The following HEMK2 variants were observed in gnomAD, a reference collection of about 807,000 sequenced individuals.
HEMK2 encodes the protein methyltransferase HEMK2.
At chr21:28,788,943 T>C in the HEMK2 span, among the ~76,000 whole-genome samples, 1 of 152,028 alleles carries the variant, frequency 6.6e-6, no homozygotes, top group African/African-American at 2.4e-5. Context: ...ATTGGAGTGA[T>C]GCATCTACAA....
chr21:28,606,780 T>C, the HEMK2 span, among the ~76,000 whole-genome samples: 1 of 152,232 alleles, frequency 6.6e-6, no homozygotes, highest in Non-Finnish European at 1.5e-5. Context: ...TACAGTTTAA[T>C]GGCAAAGGCA....
At chr21:28,847,927 T>C in the HEMK2 span, among the ~76,000 whole-genome samples, 1 of 152,190 alleles carries the variant, frequency 6.6e-6, no homozygotes, top group East Asian at 1.9e-4. Flanking sequence ...GACCAGATAG[T>C]CGTAGATGCG....
chr21:28,733,985 G>A, the HEMK2 span, among the ~76,000 whole-genome samples: 13 of 62,330 alleles, frequency 2.1e-4, no homozygotes, highest in African/African-American at 9.7e-4. Flanking sequence ...TTCATTTAGG[G>A]ATGGAGAAAA....
the HEMK2 span, among the ~76,000 whole-genome samples, chr21:28,644,194 A>T: frequency 6.6e-6 from 1 of 152,206 alleles, no homozygotes; most frequent in Non-Finnish European, 1.5e-5. Flanking sequence ...GTGGAAGGCG[A>T]AGGGGAAGCA....
the HEMK2 span, among the ~76,000 whole-genome samples, chr21:28,618,636 C>T: frequency 1.3e-5 from 2 of 152,118 alleles, no homozygotes; most frequent in Non-Finnish European, 2.9e-5. Context: ...AAATTGATAT[C>T]GTTGAAAAAC....
the HEMK2 span, among the ~76,000 whole-genome samples, chr21:28,837,839 A>G: frequency 1.3e-5 from 2 of 152,178 alleles, no homozygotes; most frequent in Non-Finnish European, 2.9e-5. Context: ...TAACCTCACT[A>G]AGAAATAAAA....
chr21:28,596,168 C>G, the HEMK2 span, among the ~76,000 whole-genome samples: 3 of 152,168 alleles, frequency 2.0e-5, no homozygotes, highest in African/African-American at 7.2e-5. Context: ...AGGCGCCCGC[C>G]ACCACACCTG....
chr21:28,609,765 A>G, the HEMK2 span, among the ~76,000 whole-genome samples: 2 of 152,164 alleles, frequency 1.3e-5, no homozygotes, highest in Non-Finnish European at 2.9e-5. Flanking sequence ...GAAATGTAAA[A>G]TGCACTGGAA....
the HEMK2 span, among the ~76,000 whole-genome samples, chr21:28,628,494 C>T: frequency 2.0e-5 from 3 of 152,166 alleles, no homozygotes; most frequent in Admixed American, 6.5e-5. Flanking sequence ...TCTTGTTGCC[C>T]AGGCTGGAGT....
At chr21:28,831,680 A>AG in the HEMK2 span, among the ~76,000 whole-genome samples, 1 of 67,422 alleles carries the variant, frequency 1.5e-5, no homozygotes, top group Non-Finnish European at 2.8e-5. Context: ...AGAAAGAAAG[A>AG]AAGAAGGAAG....
the HEMK2 span, among the ~76,000 whole-genome samples, chr21:28,608,620 G>A: frequency 6.6e-6 from 1 of 152,160 alleles, no homozygotes; most frequent in African/African-American, 2.4e-5. Context: ...ACTGTGAGTT[G>A]GCTTGCTTTC....
chr21:28,651,128 G>C, the HEMK2 span, among the ~76,000 whole-genome samples: 1 of 152,182 alleles, frequency 6.6e-6, no homozygotes, highest in Non-Finnish European at 1.5e-5. Context: ...CTGGAAATAA[G>C]TATAAATTGT....
chr21:28,854,251 T>C, the HEMK2 span, among the ~76,000 whole-genome samples: 1 of 152,188 alleles, frequency 6.6e-6, no homozygotes, highest in East Asian at 1.9e-4. Flanking sequence ...GAATGTCAAA[T>C]GCATTTATTT....
At chr21:28,738,666 G>A in the HEMK2 span, among the ~76,000 whole-genome samples, 1 of 152,182 alleles carries the variant, frequency 6.6e-6, no homozygotes, top group Non-Finnish European at 1.5e-5. Context: ...CTTTATGCAG[G>A]TCACTGCCCC....
At chr21:28,734,449 T>C in the HEMK2 span, among the ~76,000 whole-genome samples, 2 of 152,220 alleles carry the variant, frequency 1.3e-5, no homozygotes, top group African/African-American at 4.8e-5. Context: ...ATCATATTTA[T>C]AATGGTGAAA....
chr21:28,816,086 T>C, the HEMK2 span, among the ~76,000 whole-genome samples: 2 of 152,168 alleles, frequency 1.3e-5, no homozygotes, highest in Non-Finnish European at 2.9e-5. Flanking sequence ...AGAGATGGCA[T>C]CTGAAGACAA....
At chr21:28,696,332 T>G in the HEMK2 span, among the ~76,000 whole-genome samples, 1 of 152,108 alleles carries the variant, frequency 6.6e-6, no homozygotes, top group Non-Finnish European at 1.5e-5. Flanking sequence ...ATGAAAGAAG[T>G]TGGCCAAAAC....
chr21:28,670,088 AT>A, the HEMK2 span, among the ~76,000 whole-genome samples: 58 of 149,986 alleles, frequency 3.9e-4, no homozygotes, highest in East Asian at 5.6e-3. Flanking sequence ...TAACAGCATC[AT>A]TTTTTTTTTC....
At chr21:28,599,175 C>A in the HEMK2 span, among the ~76,000 whole-genome samples, 12 of 152,150 alleles carry the variant, frequency 7.9e-5, 1 homozygote, top group Admixed American at 2.6e-4. Flanking sequence ...TAGAGGAAAA[C>A]AGTGAAATAA....
Sources: allele counts gnomAD v4.1 joint callset (sites outside exome capture counted in the v4.1 genomes callset), GRCh38; gene constraint gnomAD v4.1.1; transcripts MANE v1.5; gene names NCBI Gene and HGNC (gene_info 2026-07-23, HGNC 2026-07-21).